Variants in UTP14A observed in about 807,000 individuals in gnomAD.
UTP14A encodes U3 small nucleolar RNA-associated protein 14 homolog A.
Under a neutral mutation model 57.2 loss-of-function variants are expected in UTP14A, and 5 were observed. The observed-to-expected ratio is 0.09, with a 90% confidence interval of 0.05 to 0.18. The LOEUF (loss-of-function observed/expected upper bound fraction) is 0.18, where lower values mean the gene tolerates loss of function less well. Among genes scored for constraint, UTP14A ranks in the 10% least tolerant of loss-of-function variants. UTP14A has a pLI of 1.00. For synonymous variants in UTP14A, 169 were observed against 210.9 expected, an observed-to-expected ratio of 0.80 and a Z score of 1.72; for missense variants, 430 against 562.1, an observed-to-expected ratio of 0.76 and a Z score of 2.38.
chrX:129,925,793 C>T, intron 12 of UTP14A, 126 bp from the exon 13 acceptor site: 6 of 854,071 alleles, frequency 7.0e-6, no homozygotes, highest in Non-Finnish European at 8.2e-6. Context: ...GTTTGTATCG[C>T]AAGACCATCA....
chrX:129,917,496 A>G (rs1016276917), intron 6 of UTP14A, among the ~76,000 whole-genome samples: 1 of 111,672 alleles, frequency 9.0e-6, no homozygotes, highest in African/African-American at 3.3e-5. Context: ...GGACCGTGGC[A>G]TGATCGGCCT....
At position 129,914,555 on chromosome X, in the gene UTP14A, GA is replaced by G. The variant is rs1304861637; in HGVS notation, c.537+2645del. The stretch of plus-strand genomic sequence containing the variant: ...TCACGCCACTGCACTCCAGCCTGAG[GA>G]AAAAAAAAAACCCTCTACTCTTTCC... On this transcript the variant is annotated intron_variant, in intron 6 of 14. Coordinates refer to ENST00000394422, the MANE Select transcript of UTP14A (RefSeq NM_006649.4). Among the ~76,000 whole-genome samples the G allele has an allele frequency of 9.3e-3, 913 of 97,794 alleles. 11 individuals are homozygous for G. Among genetic ancestry groups the G allele is most frequent in the African/African-American group, 0.032 (855 of 27,113 alleles). 84.9% of individuals were successfully genotyped at this position (97,794 alleles called of 115,157 possible).
chrX:129,909,455 C>G (rs1014620212), intron 4 of UTP14A, among the ~76,000 whole-genome samples: 2 of 110,954 alleles, frequency 1.8e-5, no homozygotes, highest in African/African-American at 6.5e-5. Flanking sequence ...GTGATCCACC[C>G]GCCGCAGCCT....
intron 6 of UTP14A, among the ~76,000 whole-genome samples, chrX:129,912,145 CTCTG>C: frequency 9.4e-6 from 1 of 106,892 alleles, no homozygotes; most frequent in South Asian, 4.2e-4. Flanking sequence ...CAGGGTCTTG[CTCTG>C]TCGCCCAGGC....
At chrX:129,912,805 CA>C (rs1929531571) in intron 6 of UTP14A, among the ~76,000 whole-genome samples, 2 of 112,046 alleles carry the variant, frequency 1.8e-5, no homozygotes, top group East Asian at 5.6e-4. Context: ...GTGTCTGAAG[CA>C]AAAGGATAAT....
intron 6 of UTP14A, among the ~76,000 whole-genome samples, chrX:129,915,450 G>T (rs1162634626): frequency 9.5e-6 from 1 of 104,891 alleles, no homozygotes; most frequent in Non-Finnish European, 2.0e-5. Flanking sequence ...GCATGAACCT[G>T]GGAGGCGGAG....
At chrX:129,922,904 G>A (rs1379741344) in intron 11 of UTP14A, 3 of 111,331 alleles carry the variant, frequency 2.7e-5, no homozygotes, top group African/African-American at 9.8e-5. Flanking sequence ...CTGAGATTGT[G>A]GGGGTGTACA....
intron 6 of UTP14A, among the ~76,000 whole-genome samples, chrX:129,915,977 G>A (rs776296051): frequency 4.8e-4 from 41 of 84,759 alleles, no homozygotes; most frequent in African/African-American, 1.9e-3. Context: ...TTTTTGAGAC[G>A]GAGTCTTGCT....
intron 6 of UTP14A, among the ~76,000 whole-genome samples, chrX:129,912,189 T>C (rs1317434103): frequency 9.2e-6 from 1 of 108,798 alleles, no homozygotes; most frequent in Non-Finnish European, 1.9e-5. Flanking sequence ...CTCAGCTCAC[T>C]GCAACCTCTG....
intron 6 of UTP14A, among the ~76,000 whole-genome samples, chrX:129,913,721 C>T (rs1929567085): frequency 8.9e-6 from 1 of 112,426 alleles, no homozygotes; most frequent in African/African-American, 3.2e-5. Flanking sequence ...TGGCTCACGC[C>T]TGTAATCCCA....
Position 129,907,435 on chromosome X carries a change from A to C in UTP14A, c.95A>C (p.Glu32Ala). 2 of 1,206,871 alleles carry C rather than the reference A, an allele frequency of 1.7e-6. No homozygotes were observed. Among genetic ancestry groups the C allele is most frequent in the Non-Finnish European group, 2.2e-6 (2 of 893,318 alleles). The change falls in exon 2 of 15, where the codon GAA (glutamate) becomes GCA (alanine). Residue 32 changes from glutamate (E) to alanine (A), a missense_variant. Physicochemically the swap from Glu to Ala is moderately radical, Grantham distance 107 (BLOSUM62 -1). Coordinates refer to ENST00000394422, the MANE Select transcript of UTP14A (RefSeq NM_006649.4). ...AAAGACTACCTCTTGAGTGAGAGTG[A>C]AGATGAGGTGGGTGACAATTGCTAA... ...LPKDYLLSESEDEGDNDGERK... is the reference protein window; with the variant it reads ...LPKDYLLSESADEGDNDGERK...
rs376348396 is a variant in UTP14A at position 129,921,567 on chromosome X, C to G, written c.1328C>G (p.Ala443Gly). The change falls in exon 11 of 15, where the codon GCA becomes GGA. Residue 443 changes from alanine (A) to glycine (G), a missense_variant. Ala to Gly is a moderately conservative substitution (Grantham distance 60). Transcript: ENST00000394422. ...RSELSQDAEP[A>G]GSQETKDSGS... The stretch of plus-strand genomic sequence containing the variant: ...GAGCTCAGCCAAGATGCTGAGCCAG[C>G]AGGCAGTCAAGAAACAAAAGGTGAG... 5 of 1,207,354 alleles carry G rather than the reference C, an allele frequency of 4.1e-6. No homozygotes were observed. The African/African-American group carries it at 8.8e-5, about 21-fold the overall frequency.
chrX:129,929,248 C>T, intron 14 of UTP14A, 88 bp from the exon 15 acceptor site: 2 of 1,105,991 alleles, frequency 1.8e-6, no homozygotes, highest in Non-Finnish European at 2.4e-6. Context: ...TGGCCTGTAC[C>T]AAAACAGTAC....
chrX:129,917,167 ATGTT>A (rs1929723880), intron 6 of UTP14A, among the ~76,000 whole-genome samples: 1 of 112,112 alleles, frequency 8.9e-6, no homozygotes, highest in Non-Finnish European at 1.9e-5. Flanking sequence ...CAATCAATAA[ATGTT>A]TGTAAATTGA....
intron 5 of UTP14A, 61 bp downstream of exon 5, chrX:129,911,211 G>A: frequency 8.8e-7 from 1 of 1,130,035 alleles, no homozygotes; most frequent in Non-Finnish European, 1.2e-6. Context: ...GGGAAAATAG[G>A]GTAATAGAAA....
chrX:129,908,092 G>A lies in UTP14A; in HGVS notation c.135G>A (p.Lys45=). 5.0e-6 allele frequency: 6 copies of A among 1,208,939 alleles called. No homozygotes were observed. The highest frequency in any genetic ancestry group is 6.7e-6 in the Non-Finnish European group (6 of 894,505). Residue 45 remains lysine, a synonymous_variant, in exon 3 of 15, where the codon AAG becomes AAA. Coordinates refer to ENST00000394422, the MANE Select transcript of UTP14A (RefSeq NM_006649.4). ...GDNDGERKHQ[K]LLEAISSLDG... ...ATGATGGAGAGAGAAAGCATCAAAA[G>A]CTTCTGGAAGCAATCAGTTCCCTTG...
chrX:129,913,872 TA>T (rs1929575236), intron 6 of UTP14A, among the ~76,000 whole-genome samples: 1 of 111,275 alleles, frequency 9.0e-6, no homozygotes, highest in Non-Finnish European at 1.9e-5. Flanking sequence ...TCCCAGCTAC[TA>T]GGGGGGCTGA....
intron 6 of UTP14A, among the ~76,000 whole-genome samples, chrX:129,916,532 G>C (rs945241323): frequency 1.8e-5 from 2 of 111,220 alleles, no homozygotes; most frequent in Admixed American, 9.7e-5. Context: ...TTATACAGGG[G>C]GCTAGACCTG....
At chrX:129,908,773 G>A (rs938149162) in intron 4 of UTP14A, 39 bp downstream of exon 4, 1 of 1,165,295 alleles carries the variant, frequency 8.6e-7, no homozygotes, top group East Asian at 3.0e-5. Flanking sequence ...CATGAAACCT[G>A]TGGAGTTCCA....
Sources: gnomAD v4.1 joint callset for allele counts (sites outside exome capture counted in the v4.1 genomes callset) on GRCh38, gnomAD v4.1.1 for gene constraint, MANE v1.5 for transcripts, NCBI Gene and HGNC (gene_info 2026-07-23, HGNC 2026-07-21) for gene names.